Variants in NLGN1 observed in about 807,000 individuals in gnomAD.
NLGN1 encodes the protein neuroligin 1, also known as neuroligin-1.
In NLGN1, 12 loss-of-function variants were observed where a neutral mutation model predicts 65.5. The ratio of observed to expected loss-of-function variants is 0.18; its 90% CI spans 0.12 to 0.30. The LOEUF is 0.30. Ranked by LOEUF, NLGN1 falls within the 10% of genes least tolerant of loss-of-function variation. The pLI is 1.00. For missense variants in NLGN1, 750 were observed against 1,007.1 expected (o/e 0.74, Z 3.46); for synonymous variants, 350 against 359.5 (o/e 0.97, Z 0.30).
chr3:173,918,098 C>T (rs758887213), intron 4 of NLGN1, among the ~76,000 whole-genome samples: 2 of 152,052 alleles, frequency 1.3e-5, no homozygotes, highest in Admixed American at 6.6e-5. Context: ...ATTAAGTATT[C>T]AGTCAATTAT....
intron 4 of NLGN1, among the ~76,000 whole-genome samples, chr3:173,820,191 A>C (rs57197295): frequency 0.018 from 1,135 of 62,460 alleles, 12 homozygotes; most frequent in African/African-American, 0.033. Flanking sequence ...AAAAAAAAAA[A>C]AAAAAAAAAA....
intron 3 of NLGN1, chr3:173,800,158 A>G (rs1380059424): frequency 1.0e-5 from 2 of 193,906 alleles, no homozygotes; most frequent in Non-Finnish European, 2.1e-5. Flanking sequence ...GTCAATTATG[A>G]TGTGACCACT....
chr3:174,197,931 C>T (rs1303131310), intron 4 of NLGN1, among the ~76,000 whole-genome samples: 1 of 151,930 alleles, frequency 6.6e-6, no homozygotes, highest in African/African-American at 2.4e-5. Flanking sequence ...CTAGTATTGA[C>T]ATTTTGATGT....
At chr3:174,214,259 T>C (rs1351009046) in intron 4 of NLGN1, among the ~76,000 whole-genome samples, 2 of 152,172 alleles carry the variant, frequency 1.3e-5, no homozygotes, top group Middle Eastern at 3.2e-3. Flanking sequence ...CCATTATTTT[T>C]ATTGTTTCTT....
intron 3 of NLGN1, among the ~76,000 whole-genome samples, chr3:173,750,182 TA>T (rs1375555498): frequency 6.6e-6 from 1 of 151,264 alleles, no homozygotes; most frequent in African/African-American, 2.4e-5. Flanking sequence ...CTCCTTCATA[TA>T]GGCAGATCTA....
chr3:174,135,979 A>G (rs1244498068), intron 4 of NLGN1, among the ~76,000 whole-genome samples: 1 of 152,142 alleles, frequency 6.6e-6, no homozygotes, highest in Non-Finnish European at 1.5e-5. Flanking sequence ...ATTAAATTTT[A>G]AAATTCTACC....
chr3:173,474,187 CCT>C (rs1725798978), intron 2 of NLGN1, among the ~76,000 whole-genome samples: 1 of 152,050 alleles, frequency 6.6e-6, no homozygotes, highest in Non-Finnish European at 1.5e-5. Context: ...TGCTCCTTCT[CCT>C]TCTTCTTCTG....
chr3:173,762,456 G>C (rs915420170), intron 3 of NLGN1, among the ~76,000 whole-genome samples: 9 of 152,016 alleles, frequency 5.9e-5, no homozygotes, highest in Admixed American at 5.9e-4. Flanking sequence ...TTAAAATCTA[G>C]ATGAGATGAA....
rs372057613 is a variant in NLGN1 at position 173,450,877 on chromosome 3, G to A, written c.-321+15799G>A. Among the ~76,000 whole-genome samples the A allele has an allele frequency of 1.8e-4, 28 of 152,142 alleles. No individual in the cohort carries two copies. In the East Asian group the frequency reaches 3.1e-3, roughly 17 times the overall value. On this transcript the variant is annotated intron_variant, in intron 2 of 6. Coordinates refer to ENST00000457714, the Ensembl canonical transcript of NLGN1. ...GTCGGTTACTGAGGCTTGTGCATTCGTCACGTAGTTCTCATGCCATGGTTT... is the reference window on the plus strand; with the variant it reads ...GTCGGTTACTGAGGCTTGTGCATTCATCACGTAGTTCTCATGCCATGGTTT...
chr3:174,137,215 T>A (rs1721380474), intron 4 of NLGN1, among the ~76,000 whole-genome samples: 1 of 152,150 alleles, frequency 6.6e-6, no homozygotes, highest in Non-Finnish European at 1.5e-5. Flanking sequence ...CTGTCTGTAT[T>A]TTCTTGGATA....
At chr3:174,131,722 G>T (rs1720235261) in intron 4 of NLGN1, among the ~76,000 whole-genome samples, 2 of 152,122 alleles carry the variant, frequency 1.3e-5, no homozygotes, top group Admixed American at 1.3e-4. Flanking sequence ...GGCTACATGA[G>T]CTATTCAAAT....
rs554579106 is a variant in NLGN1, at chr3:173,648,553, T to C, written c.493+43462T>C. ...ACAACCACTTTGGAAAACAACTGGG[T>C]AGATTCTTCTTTTTCTTTTTTCTTT... On this transcript the variant is annotated intron_variant, in intron 3 of 6. Coordinates refer to ENST00000457714, the Ensembl canonical transcript of NLGN1. 3.9e-5 allele frequency among the ~76,000 whole-genome samples: 6 copies of C among 152,072 alleles called. No individual in the cohort carries two copies. The East Asian group carries it at 1.2e-3, about 29-fold the overall frequency.
chr3:173,759,918 C>A (rs1777712205), intron 3 of NLGN1, among the ~76,000 whole-genome samples: 1 of 151,950 alleles, frequency 6.6e-6, no homozygotes. Context: ...CTTTAATCAA[C>A]TGGAATTGGG....
chr3:173,964,612 T>G (rs974253899), intron 4 of NLGN1, among the ~76,000 whole-genome samples: 3 of 152,300 alleles, frequency 2.0e-5, no homozygotes, highest in Non-Finnish European at 4.4e-5. Context: ...CTAGAAAAAC[T>G]AATTTTTCTT....
At chr3:173,408,235 A>C (rs1392118065) in intron 1 of NLGN1, among the ~76,000 whole-genome samples, 1 of 152,106 alleles carries the variant, frequency 6.6e-6, no homozygotes, top group Non-Finnish European at 1.5e-5. Flanking sequence ...CCTTTTCAAC[A>C]TGGTACTCCA....
chr3:174,151,626 A>T (rs1724370796), intron 4 of NLGN1, among the ~76,000 whole-genome samples: 1 of 152,164 alleles, frequency 6.6e-6, no homozygotes, highest in Non-Finnish European at 1.5e-5. Context: ...ACCTTTACAT[A>T]GCCTTCTGAA....
At chr3:173,505,869 G>A (rs1731952276) in intron 2 of NLGN1, among the ~76,000 whole-genome samples, 1 of 152,016 alleles carries the variant, frequency 6.6e-6, no homozygotes, top group African/African-American at 2.4e-5. Context: ...AGAACTATAT[G>A]TATATTGTTC....
chr3:174,262,585 T>A (rs1224503180), intron 4 of NLGN1, among the ~76,000 whole-genome samples: 3 of 150,456 alleles, frequency 2.0e-5, no homozygotes, highest in African/African-American at 7.4e-5. Context: ...TTTTTTTCTT[T>A]ATTAGTCTTG....
chr3:174,208,176 C>A (rs1735791644), intron 4 of NLGN1, among the ~76,000 whole-genome samples: 1 of 152,082 alleles, frequency 6.6e-6, no homozygotes, highest in Non-Finnish European at 1.5e-5. Flanking sequence ...CGTGACCACC[C>A]AAATCAAAGC....
Sources: gnomAD v4.1 joint callset for allele counts (sites outside exome capture counted in the v4.1 genomes callset) on GRCh38, gnomAD v4.1.1 for gene constraint, MANE v1.5 for transcripts, NCBI Gene and HGNC (gene_info 2026-07-23, HGNC 2026-07-21) for gene names.